Variants in DENND2B observed in about 807,000 individuals in gnomAD.
The protein encoded by DENND2B is DENN domain-containing protein 2B.
DENND2B carries 32 observed loss-of-function variants against 116.0 expected under a neutral mutation model. The ratio of observed to expected loss-of-function variants is 0.28; its 90% confidence interval spans 0.21 to 0.37. DENND2B has a LOEUF of 0.37. DENND2B is among the 10% of genes least tolerant of loss of function. The pLI is 1.00. For synonymous variants in DENND2B, 588 were observed against 583.9 expected (o/e 1.01, Z -0.10); for missense variants, 1,276 against 1,477.7 (o/e 0.86, Z 2.24).
At chr11:8,697,737 C>T in intron 16 of DENND2B, 101 bp from the exon 17 acceptor site, 1 of 767,294 alleles carries the variant, frequency 1.3e-6, no homozygotes, top group East Asian at 2.6e-5. Context: ...TCTCATTTAT[C>T]TCTCCCAGTA....
At chr11:8,799,651 G>A (rs139014011) in intron 1 of DENND2B, among the ~76,000 whole-genome samples, 1,829 of 146,768 alleles carry the variant, frequency 0.012, 17 homozygotes, top group Middle Eastern at 0.065. Context: ...TGATCATTGC[G>A]CAGGACAGCC....
At chr11:8,725,821 T>C (rs1235144720) in intron 4 of DENND2B, among the ~76,000 whole-genome samples, 1 of 152,146 alleles carries the variant, frequency 6.6e-6, no homozygotes, top group African/African-American at 2.4e-5. Flanking sequence ...AGGAAAGGAA[T>C]GATGTTGTTT....
chr11:8,888,338 G>C lies in DENND2B; in HGVS notation c.-255-7229C>G, dbSNP rs143062064. 7.6e-3 allele frequency among the ~76,000 whole-genome samples: 1,152 copies of C among 152,268 alleles called. 12 individuals carry two copies. The highest frequency in any genetic ancestry group is 0.012 in the Non-Finnish European group (849 of 68,026). On this transcript the variant is annotated intron_variant, in intron 1 of 22. Coordinates refer to the DENND2B transcript ENST00000534127. The stretch of plus-strand genomic sequence containing the variant: ...GCTCTGTCTGCTGATTGCTGCTTCT[G>C]ATCATAGATGTGCAGAGAAAGAGGC...
intron 1 of DENND2B, among the ~76,000 whole-genome samples, chr11:8,756,722 C>T (rs2053667157): frequency 6.6e-6 from 1 of 152,192 alleles, no homozygotes; most frequent in Non-Finnish European, 1.5e-5. Flanking sequence ...ACCATTTCTC[C>T]CCACCTCCTA....
At chr11:8,766,536 G>C (rs1454432801) in intron 1 of DENND2B, 12 of 1,054,794 alleles carry the variant, frequency 1.1e-5, no homozygotes, top group Non-Finnish European at 1.5e-5. Flanking sequence ...TTAATCCAAA[G>C]AGACAGGGAG....
At chr11:8,779,852 C>G (rs577558081) in intron 1 of DENND2B, among the ~76,000 whole-genome samples, 6 of 152,242 alleles carry the variant, frequency 3.9e-5, no homozygotes, top group Non-Finnish European at 7.4e-5. Flanking sequence ...AAATCCTCTC[C>G]CTTGCATGTC....
chr11:8,752,956 G>A (rs2052807399), intron 1 of DENND2B, among the ~76,000 whole-genome samples: 1 of 152,176 alleles, frequency 6.6e-6, no homozygotes, highest in Non-Finnish European at 1.5e-5. Context: ...TCAATTTTGG[G>A]CCAGGTGTGG....
chr11:8,701,678 G>C (rs2041712568), intron 14 of DENND2B, among the ~76,000 whole-genome samples: 1 of 152,004 alleles, frequency 6.6e-6, no homozygotes, highest in Admixed American at 6.6e-5. Flanking sequence ...TGCCTTGCCT[G>C]TGTCACCCCC....
At chr11:8,751,267 C>T (rs1031267950) in intron 1 of DENND2B, among the ~76,000 whole-genome samples, 1 of 152,074 alleles carries the variant, frequency 6.6e-6, no homozygotes, top group Non-Finnish European at 1.5e-5. Flanking sequence ...TTTGTAAATG[C>T]ACCAATCAGC....
At chr11:8,840,900 T>G (rs1161233316) in intron 3 of DENND2B, among the ~76,000 whole-genome samples, 1 of 152,200 alleles carries the variant, frequency 6.6e-6, no homozygotes, top group East Asian at 1.9e-4. Flanking sequence ...TATTCCATAT[T>G]GAGTGAAATT....
intron 14 of DENND2B, among the ~76,000 whole-genome samples, chr11:8,701,343 CCGG>C (rs1228669148): frequency 2.1e-4 from 2 of 9,646 alleles, no homozygotes; most frequent in African/African-American, 1.1e-3. Flanking sequence ...AGGCCAGCTT[CCGG>C]GGGGGGGGGG....
chr11:8,864,867 G>A (rs1373632577), intron 2 of DENND2B, among the ~76,000 whole-genome samples: 7 of 151,994 alleles, frequency 4.6e-5, no homozygotes, highest in Middle Eastern at 3.4e-3. Context: ...GGAACAAGAC[G>A]GAAAAAATTT....
At chr11:8,703,946 T>G (rs2042151381) in intron 13 of DENND2B, among the ~76,000 whole-genome samples, 3 of 152,168 alleles carry the variant, frequency 2.0e-5, no homozygotes. Context: ...CCTTTATACC[T>G]GCTCCAGGCC....
At chr11:8,858,906 T>C (rs2063290049) in intron 2 of DENND2B, among the ~76,000 whole-genome samples, 1 of 152,196 alleles carries the variant, frequency 6.6e-6, no homozygotes, top group Non-Finnish European at 1.5e-5. Context: ...AAGGCTAGAT[T>C]AGTGCACATA....
chr11:8,755,249 T>C (rs891292777), intron 1 of DENND2B, among the ~76,000 whole-genome samples: 2 of 152,214 alleles, frequency 1.3e-5, no homozygotes, highest in Non-Finnish European at 2.9e-5. Context: ...GAAGTATATC[T>C]GGATGTGAAA....
intron 2 of DENND2B, among the ~76,000 whole-genome samples, chr11:8,739,761 G>C (rs530702174): frequency 6.6e-6 from 1 of 152,260 alleles, no homozygotes; most frequent in East Asian, 1.9e-4. Context: ...AAAGAAAGCA[G>C]GGGAGAATGC....
chr11:8,771,006 G>A (rs142492010), intron 1 of DENND2B, among the ~76,000 whole-genome samples: 46 of 152,328 alleles, frequency 3.0e-4, no homozygotes, highest in Middle Eastern at 3.4e-3. Flanking sequence ...CCTGCCTGCA[G>A]TACATGACCT....
At chr11:8,854,945 C>A (rs1297209493) in intron 3 of DENND2B, among the ~76,000 whole-genome samples, 1 of 152,092 alleles carries the variant, frequency 6.6e-6, no homozygotes, top group African/African-American at 2.4e-5. Flanking sequence ...CTCCTGGCCT[C>A]AAGTGATCCG....
intron 1 of DENND2B, among the ~76,000 whole-genome samples, chr11:8,900,342 G>A (rs996559883): frequency 1.3e-5 from 2 of 150,746 alleles, no homozygotes; most frequent in Non-Finnish European, 2.9e-5. Context: ...TGAGGCAGGA[G>A]AATGACATGA....
Sources: allele counts gnomAD v4.1 joint callset (sites outside exome capture counted in the v4.1 genomes callset), GRCh38; gene constraint gnomAD v4.1.1; transcripts MANE v1.5; gene names NCBI Gene and HGNC (gene_info 2026-07-23, HGNC 2026-07-21).